MTA1: variants seen among roughly 807,000 people sequenced by gnomAD.
The protein encoded by MTA1 is metastasis associated 1, also known as metastasis-associated protein MTA1.
MTA1 carries 15 observed loss-of-function variants against 97.0 expected under a neutral mutation model. The observed-to-expected ratio is 0.15, with a 90% CI of 0.10 to 0.24. MTA1 has a LOEUF of 0.24. Among genes scored for constraint, MTA1 ranks in the 10% least tolerant of loss-of-function variants. The pLI, the probability that MTA1 is intolerant of heterozygous loss-of-function variation, is 1.00. For synonymous variants in MTA1, 435 were observed against 417.5 expected, an observed-to-expected ratio of 1.04 and a Z score of -0.51; for missense variants, 709 against 1,015.1, an observed-to-expected ratio of 0.70 and a Z score of 4.10.
intron 1 of MTA1, among the ~76,000 whole-genome samples, chr14:105,429,388 C>T (rs1157804111): frequency 6.6e-6 from 1 of 151,810 alleles, no homozygotes; most frequent in Non-Finnish European, 1.5e-5. Context: ...CGGGTTCAAG[C>T]GATTCTCCTG....
intron 2 of MTA1, among the ~76,000 whole-genome samples, chr14:105,444,146 G>A (rs1341688354): frequency 6.6e-6 from 1 of 151,710 alleles, no homozygotes; most frequent in African/African-American, 2.4e-5. Context: ...GACCAAGACG[G>A]GCGGATCACG....
chr14:105,446,212 C>A (rs2082713441), intron 3 of MTA1, among the ~76,000 whole-genome samples: 1 of 152,218 alleles, frequency 6.6e-6, no homozygotes, highest in African/African-American at 2.4e-5. Flanking sequence ...GAGCTGGGCC[C>A]CACCTGCACC....
chr14:105,427,972 C>T (rs907539170), intron 1 of MTA1, among the ~76,000 whole-genome samples: 7 of 148,718 alleles, frequency 4.7e-5, no homozygotes, highest in African/African-American at 1.5e-4. Flanking sequence ...GAGTGGAGAT[C>T]GCACCACTGT....
chr14:105,433,840 A>T (rs950267219), intron 1 of MTA1, among the ~76,000 whole-genome samples: 6 of 152,222 alleles, frequency 3.9e-5, no homozygotes, highest in South Asian at 4.2e-4. Flanking sequence ...TTTTAAAAAA[A>T]TTTTTTTAGA....
rs960194313 is a variant in MTA1, at chr14:105,450,751, T to C, written c.432+427T>C. On this transcript the variant is annotated intron_variant, in intron 6 of 20. Coordinates refer to ENST00000331320, the MANE Select transcript of MTA1 (RefSeq NM_004689.4). Reference sequence around the variant, plus strand: ...ATACGGTGTTACCAGGTGATTCTTATCTGGGGGTCACCTGTGATTATACGG... The same window carrying C: ...ATACGGTGTTACCAGGTGATTCTTACCTGGGGGTCACCTGTGATTATACGG... Among the ~76,000 whole-genome samples, 58 of 152,152 alleles carry C rather than the reference T, an allele frequency of 3.8e-4. 1 individual carries two copies. Among genetic ancestry groups the C allele is most frequent in the Admixed American group, 3.3e-4 (5 of 15,272 alleles).
intron 6 of MTA1, among the ~76,000 whole-genome samples, chr14:105,450,815 C>A (rs1220762560): frequency 6.6e-6 from 1 of 152,174 alleles, no homozygotes; most frequent in Non-Finnish European, 1.5e-5. Context: ...GGCGTGACAA[C>A]CAAAAAATGT....
intron 1 of MTA1, among the ~76,000 whole-genome samples, chr14:105,429,752 C>CTCTTTTTT (rs2082123758): frequency 2.0e-5 from 1 of 50,576 alleles, no homozygotes; most frequent in African/African-American, 9.0e-5. Context: ...TGCGCCCGGC[C>CTCTTTTTT]TTTTTTTTTT....
At chr14:105,464,901 G>T (rs376081485) in intron 15 of MTA1, 38 bp downstream of exon 15, 2 of 1,523,132 alleles carry the variant, frequency 1.3e-6, no homozygotes, top group Non-Finnish European at 1.8e-6. Context: ...CTGTTCCTGC[G>T]GGTGGTGGGG....
rs1481130694 is a variant in MTA1, at chr14:105,458,385, C to T, written c.653+13C>T. On this transcript the variant is annotated intron_variant, in intron 8 of 20. Coordinates refer to ENST00000331320, the MANE Select transcript of MTA1 (RefSeq NM_004689.4). ...TGGTGGTGGCCCGGTGAGTCCTGCT[C>T]CTGGGCAAGGCCAGCAGGGGTGGTG... 1.2e-6 allele frequency: 2 copies of T among 1,610,224 alleles called. No individual in the cohort carries two copies. Among genetic ancestry groups the T allele is most frequent in the Non-Finnish European group, 1.7e-6 (2 of 1,178,100 alleles).
intron 16 of MTA1, 161 bp downstream of exon 16, chr14:105,465,344 C>A: frequency 2.0e-6 from 1 of 505,710 alleles, no homozygotes; most frequent in Non-Finnish European, 3.2e-6. Context: ...CCGTGCCAGG[C>A]TCAGGCAGAC....
intron 1 of MTA1, among the ~76,000 whole-genome samples, chr14:105,426,360 C>A (rs1461145078): frequency 1.6e-5 from 2 of 122,264 alleles, no homozygotes; most frequent in East Asian, 4.6e-4. Context: ...GGTGACAGAG[C>A]GAGACTTCGT....
intron 1 of MTA1, among the ~76,000 whole-genome samples, chr14:105,435,024 AG>A (rs1320096930): frequency 6.6e-6 from 1 of 152,130 alleles, no homozygotes; most frequent in Non-Finnish European, 1.5e-5. Context: ...TAGTGGTGAG[AG>A]TAGCTATACC....
chr14:105,448,618 C>T (rs782163564), intron 3 of MTA1, among the ~76,000 whole-genome samples: 22 of 152,224 alleles, frequency 1.4e-4, no homozygotes, highest in Non-Finnish European at 2.4e-4. Flanking sequence ...TGGGGCTGTC[C>T]TGGTCGGCCC....
chr14:105,453,779 C>T (rs1282000780), intron 6 of MTA1, among the ~76,000 whole-genome samples: 1 of 152,210 alleles, frequency 6.6e-6, no homozygotes, highest in Non-Finnish European at 1.5e-5. Flanking sequence ...CCATTGCACT[C>T]CAACCTGGGC....
At chr14:105,421,878 G>T (rs1244985887) in intron 1 of MTA1, among the ~76,000 whole-genome samples, 1 of 152,206 alleles carries the variant, frequency 6.6e-6, no homozygotes, top group African/African-American at 2.4e-5. Context: ...CCGCAGGCCC[G>T]TCCCAGGGCC....
At chr14:105,466,182 C>A in intron 16 of MTA1, 1 of 565,996 alleles carries the variant, frequency 1.8e-6, no homozygotes. Flanking sequence ...GGTGGTCTCC[C>A]TGCTCTCTGG....
In MTA1 at chr14:105,431,777, C is replaced by T. The variant is rs587603253; in HGVS notation, c.29-6895C>T. On this transcript the variant is annotated intron_variant, in intron 1 of 20. Transcript: ENST00000331320. ...AGTAGCTGGGACTAAAGGCATGCAC[C>T]ACCACACCTGGCTATTTTTTGTATC... 1.2e-3 allele frequency among the ~76,000 whole-genome samples: 181 copies of T among 152,158 alleles called. 1 individual carries two copies. Among genetic ancestry groups the T allele is most frequent in the African/African-American group, 4.0e-3 (167 of 41,510 alleles).
chr14:105,449,583 G>T (rs1333476526), intron 4 of MTA1, among the ~76,000 whole-genome samples, 174 bp downstream of exon 4: 2 of 152,200 alleles, frequency 1.3e-5, no homozygotes, highest in Non-Finnish European at 2.9e-5. Flanking sequence ...GCCCAGGCTT[G>T]GTGCGGCCCC....
chr14:105,441,127 C>T (rs1353584343), intron 2 of MTA1, among the ~76,000 whole-genome samples: 2 of 152,170 alleles, frequency 1.3e-5, no homozygotes, highest in East Asian at 3.9e-4. Context: ...GTCAGGTGGT[C>T]CCACAGAGCC....
Sources: allele counts gnomAD v4.1 joint callset (sites outside exome capture counted in the v4.1 genomes callset), GRCh38; gene constraint gnomAD v4.1.1; transcripts MANE v1.5; gene names NCBI Gene and HGNC (gene_info 2026-07-23, HGNC 2026-07-21).